Variants in SND1 observed in about 807,000 individuals in gnomAD.
SND1 encodes staphylococcal nuclease and tudor domain containing 1.
In SND1, 38 loss-of-function variants were observed where a neutral mutation model predicts 121.7. The ratio of observed to expected loss-of-function variants is 0.31; its 90% CI spans 0.24 to 0.41. The LOEUF (loss-of-function observed/expected upper bound fraction) is 0.41. SND1 is among the 10% of genes least tolerant of loss of function. The pLI, the probability that SND1 is intolerant of heterozygous loss-of-function variation, is 1.00. For synonymous variants in SND1, 401 were observed against 447.4 expected, an observed-to-expected ratio of 0.90 and a Z score of 1.31; for missense variants, 868 against 1,184.6, an observed-to-expected ratio of 0.73 and a Z score of 3.92.
chr7:127,701,467 C>T (rs1796100063), intron 5 of SND1, 144 bp downstream of exon 5: 1 of 786,650 alleles, frequency 1.3e-6, no homozygotes, highest in Non-Finnish European at 1.9e-6. Flanking sequence ...TAAAACAGCA[C>T]CTTAGTATTT....
At chr7:127,875,317 G>A (rs1163848738) in intron 12 of SND1, among the ~76,000 whole-genome samples, 1 of 152,054 alleles carries the variant, frequency 6.6e-6, no homozygotes. Context: ...TGATCTAGTT[G>A]GGAAGACAAG....
At chr7:127,722,258 T>C (rs991947504) in intron 10 of SND1, among the ~76,000 whole-genome samples, 1 of 152,012 alleles carries the variant, frequency 6.6e-6, no homozygotes, top group African/African-American at 2.4e-5. Context: ...TTTTCAGTAA[T>C]TAACTATTGT....
intron 16 of SND1, among the ~76,000 whole-genome samples, chr7:128,013,303 A>G (rs749369963): frequency 6.6e-6 from 1 of 152,150 alleles, no homozygotes; most frequent in Non-Finnish European, 1.5e-5. Context: ...TGTCCGCCCA[A>G]GTGCTGAGTG....
chr7:127,734,085 C>G (rs377365895), intron 10 of SND1, among the ~76,000 whole-genome samples: 11 of 152,040 alleles, frequency 7.2e-5, no homozygotes, highest in South Asian at 6.2e-4. Context: ...AAAGCTCTAT[C>G]TCCAGGATTT....
At chr7:128,040,886 A>G (rs956328204) in intron 16 of SND1, among the ~76,000 whole-genome samples, 1 of 152,180 alleles carries the variant, frequency 6.6e-6, no homozygotes, top group Non-Finnish European at 1.5e-5. Flanking sequence ...TGCCTTGCAC[A>G]GTTTGCTAAT....
chr7:127,950,213 C>T (rs1801430240), intron 15 of SND1, among the ~76,000 whole-genome samples: 1 of 152,144 alleles, frequency 6.6e-6, no homozygotes, highest in African/African-American at 2.4e-5. Context: ...GACTTCCCTC[C>T]CCCTTTTTTT....
chr7:127,967,698 G>A (rs1051652354), intron 15 of SND1, among the ~76,000 whole-genome samples: 2 of 152,000 alleles, frequency 1.3e-5, no homozygotes, highest in East Asian at 1.9e-4. Context: ...AGTTTTTCTC[G>A]ATATACCCTG....
At chr7:127,814,581 T>C (rs1286575125) in intron 11 of SND1, among the ~76,000 whole-genome samples, 1 of 151,978 alleles carries the variant, frequency 6.6e-6, no homozygotes, top group Non-Finnish European at 1.5e-5. Context: ...TTTTGTCCAC[T>C]TACAAGGATC....
At chr7:128,043,912 G>C (rs910139695) in intron 16 of SND1, among the ~76,000 whole-genome samples, 4 of 151,642 alleles carry the variant, frequency 2.6e-5, no homozygotes, top group African/African-American at 9.7e-5. Context: ...GCAACACTTA[G>C]AGTGTCTATT....
chr7:127,773,807 A>T (rs1411352712), intron 10 of SND1, among the ~76,000 whole-genome samples: 2 of 152,222 alleles, frequency 1.3e-5, no homozygotes, highest in Admixed American at 6.5e-5. Context: ...TTTGGGAAAC[A>T]TAACATTTTG....
At position 128,057,713 on chromosome 7, in the gene SND1, T is replaced by C. The variant is rs1447506374; in HGVS notation, c.1780-16789T>C. 2.0e-5 allele frequency among the ~76,000 whole-genome samples: 3 copies of C among 152,086 alleles called. No individual in the cohort carries two copies. In the East Asian group the frequency reaches 5.8e-4, roughly 29 times the overall value. On this transcript the variant is annotated intron_variant, in intron 16 of 23. Coordinates refer to ENST00000354725, the MANE Select transcript of SND1 (RefSeq NM_014390.4). ...GCCAGTGAGAAACAAGACTTGGGGA[T>C]TGTAGTCTTTCAGCTGACCATACTG...
intron 11 of SND1, among the ~76,000 whole-genome samples, chr7:127,839,957 G>A (rs1174089276): frequency 6.6e-6 from 1 of 152,200 alleles, no homozygotes; most frequent in Non-Finnish European, 1.5e-5. Flanking sequence ...TCAACAGCTT[G>A]ACAAAATGGT....
chr7:127,656,316 C>T (rs1463336786), intron 1 of SND1, among the ~76,000 whole-genome samples: 2 of 148,536 alleles, frequency 1.3e-5, no homozygotes, highest in Non-Finnish European at 3.0e-5. Flanking sequence ...TTTTTCTTTT[C>T]TTTCTTTCTT....
chr7:128,032,395 C>A (rs1160908884), intron 16 of SND1, among the ~76,000 whole-genome samples: 1 of 151,480 alleles, frequency 6.6e-6, no homozygotes, highest in Admixed American at 6.6e-5. Context: ...GGCGAGCGAG[C>A]CGGAGTGAGC....
intron 12 of SND1, among the ~76,000 whole-genome samples, chr7:127,882,547 G>A (rs529468442): frequency 2.0e-5 from 3 of 152,150 alleles, no homozygotes; most frequent in South Asian, 2.1e-4. Flanking sequence ...AATCAAGGAC[G>A]ATAACTTTCT....
Position 128,092,112 on chromosome 7 carries a change from G to C in SND1, c.*54G>C. On this transcript the variant is annotated 3_prime_UTR_variant, in exon 24 of 24. Transcript: ENST00000354725. The surrounding 1 kb of genome is among the most constrained non-coding windows in gnomAD (Gnocchi z 4.9). Reference sequence around the variant, plus strand: ...CGCTCACGCCAGTCCCTCTTCCTCTGCCGGGAGGGTGTTTTCAACTCCAAA... The same window carrying C: ...CGCTCACGCCAGTCCCTCTTCCTCTCCCGGGAGGGTGTTTTCAACTCCAAA... 1.3e-6 allele frequency: 2 copies of C among 1,570,704 alleles called. No individual in the cohort carries two copies. The highest frequency in any genetic ancestry group is 1.8e-6 in the Non-Finnish European group (2 of 1,141,672).
At chr7:128,031,140 C>G (rs759741808) in intron 16 of SND1, 2 of 152,724 alleles carry the variant, frequency 1.3e-5, no homozygotes, top group Non-Finnish European at 2.9e-5. Flanking sequence ...GGAGTTGAGG[C>G]GCGCCTGGGA....
intron 10 of SND1, among the ~76,000 whole-genome samples, chr7:127,776,851 G>A (rs1337995845): frequency 1.3e-5 from 2 of 152,230 alleles, no homozygotes; most frequent in African/African-American, 4.8e-5. Flanking sequence ...TAAAGCTCAT[G>A]TAGACAAGGC....
intron 11 of SND1, among the ~76,000 whole-genome samples, chr7:127,820,138 T>A (rs1197561758): frequency 6.6e-6 from 1 of 152,240 alleles, no homozygotes; most frequent in Admixed American, 6.5e-5. Flanking sequence ...GTGGTTAGGC[T>A]GGGGTTACAA....
Sources: gnomAD v4.1 joint callset for allele counts (sites outside exome capture counted in the v4.1 genomes callset) on GRCh38, gnomAD v4.1.1 for gene constraint, Gnocchi (gnomAD v3.1) non-coding constraint, MANE v1.5 for transcripts, NCBI Gene and HGNC (gene_info 2026-07-23, HGNC 2026-07-21) for gene names.